The following ANKMY2 variants were observed in gnomAD, a reference collection of about 807,000 sequenced individuals.
ANKMY2 encodes the protein ankyrin repeat and MYND domain containing 2, also known as ankyrin repeat and MYND domain-containing protein 2.
ANKMY2 carries 36 observed loss-of-function variants against 50.4 expected under a neutral mutation model. The observed-to-expected ratio is 0.71, with a 90% CI of 0.55 to 0.94. ANKMY2 has a LOEUF of 0.94. ANKMY2 is among the 40% of genes least tolerant of loss of function. ANKMY2 has a pLI of 0.00. For missense variants in ANKMY2, 565 were observed against 524.0 expected (o/e 1.08, Z -0.76); for synonymous variants, 187 against 178.8 (o/e 1.05, Z -0.36).
At chr7:16,626,906 C>T (rs1781514187) in intron 3 of ANKMY2, 134 bp downstream of exon 3, 2 of 681,934 alleles carry the variant, frequency 2.9e-6, no homozygotes, top group South Asian at 1.0e-4. Context: ...TTTCAAAAAC[C>T]AATTGCCATC....
chr7:16,609,690 A>C lies in ANKMY2; in HGVS notation c.822T>G (p.Phe274Leu), dbSNP rs1781215284. 6.2e-7 allele frequency: 1 copy of C among 1,613,070 alleles called. No homozygotes were observed. Among genetic ancestry groups the C allele is most frequent in the Non-Finnish European group, 8.5e-7 (1 of 1,179,754 alleles). ...EKIIRESIRK[F>L]PYCEATLLQQ... ...GGAGGAGTGTAGCTTCACAGTAAGG[A>C]AATTTTCTGATACTTTCTCTAATGA... The change falls in exon 7 of 10, where the codon TTT becomes TTG. Residue 274 changes from phenylalanine (F) to leucine (L), a missense_variant. Transcript: ENST00000306999.
chr7:16,605,425 G>C (rs1211930668), intron 7 of ANKMY2, among the ~76,000 whole-genome samples: 1 of 152,048 alleles, frequency 6.6e-6, no homozygotes, highest in East Asian at 1.9e-4. Flanking sequence ...AAAGTATTAA[G>C]AAAAACCAAA....
At chr7:16,622,509 C>A (rs930018915) in intron 4 of ANKMY2, among the ~76,000 whole-genome samples, 2 of 151,936 alleles carry the variant, frequency 1.3e-5, no homozygotes, top group African/African-American at 2.4e-5. Flanking sequence ...GAGGCCGAGG[C>A]GGGCAGATCA....
chr7:16,644,432 G>T (rs1388500574), intron 1 of ANKMY2, among the ~76,000 whole-genome samples: 1 of 152,212 alleles, frequency 6.6e-6, no homozygotes. Flanking sequence ...CGCATGTGGA[G>T]TTTCCTTGTC....
chr7:16,627,203 A>G (rs775200729), intron 2 of ANKMY2, 25 bp from the exon 3 acceptor site: 23 of 1,524,986 alleles, frequency 1.5e-5, no homozygotes, highest in Admixed American at 9.6e-5. Flanking sequence ...GGAAAAAAGT[A>G]TTAATTTTAC....
At chr7:16,626,004 CAG>C (rs1781501641) in intron 3 of ANKMY2, among the ~76,000 whole-genome samples, 1 of 112,662 alleles carries the variant, frequency 8.9e-6, no homozygotes, top group Non-Finnish European at 1.7e-5. Flanking sequence ...TTTTTTGAGA[CAG>C]AGTCTCACTG....
At chr7:16,626,639 C>T (rs2128344772) in intron 3 of ANKMY2, among the ~76,000 whole-genome samples, 1 of 152,280 alleles carries the variant, frequency 6.6e-6, no homozygotes, top group African/African-American at 2.4e-5. Flanking sequence ...AAGGGATCAT[C>T]ATATTTAGTA....
In ANKMY2 at chr7:16,645,747, G is replaced by T; in HGVS notation, c.-174C>A. 1 of 630,804 alleles carries T rather than the reference G, an allele frequency of 1.6e-6. No homozygotes were observed. The highest frequency in any genetic ancestry group is 2.5e-6 in the Non-Finnish European group (1 of 405,074). 39.1% of individuals were successfully genotyped at this position (630,804 alleles called of 1,614,324 possible). ...CCTCCCGCGGGCTGGCGGACAGCGG[G>T]CGAGCTCGGGCGAGCCAGGCGGACG... is the stretch of plus-strand genomic sequence containing the variant. On this transcript the variant is annotated 5_prime_UTR_variant, in exon 1 of 10. Transcript: ENST00000306999.
At chr7:16,632,569 G>A (rs928947105) in intron 2 of ANKMY2, among the ~76,000 whole-genome samples, 13 of 152,308 alleles carry the variant, frequency 8.5e-5, no homozygotes, top group African/African-American at 3.1e-4. Flanking sequence ...GATGCATGTT[G>A]TAGCAAGTAT....
chr7:16,611,174 G>A (rs1781244699), intron 5 of ANKMY2, among the ~76,000 whole-genome samples: 1 of 152,142 alleles, frequency 6.6e-6, no homozygotes, highest in Non-Finnish European at 1.5e-5. Flanking sequence ...AGAATTTCAT[G>A]GCTAGGAGAA....
At chr7:16,644,696 C>A in intron 1 of ANKMY2, 1 of 471,140 alleles carries the variant, frequency 2.1e-6, no homozygotes, top group South Asian at 1.5e-5. Flanking sequence ...TGCCAGGTAA[C>A]GGGACTCGGC....
Position 16,609,602 on chromosome 7 carries a change from G to A in ANKMY2, c.882+28C>T, listed in dbSNP as rs751562977. 1.1e-5 allele frequency: 17 copies of A among 1,570,116 alleles called. No individual in the cohort carries two copies. In the East Asian group the frequency reaches 3.5e-4, roughly 32 times the overall value. Reference sequence around the variant, plus strand: ...AGGTGGGAATTAGGTTTTACTGATAGAGTCAACTTAGGTAAGAGGAGCCTT... The same window carrying A: ...AGGTGGGAATTAGGTTTTACTGATAAAGTCAACTTAGGTAAGAGGAGCCTT... On this transcript the variant is annotated intron_variant, in intron 7 of 9. Coordinates refer to ENST00000306999, the MANE Select transcript of ANKMY2 (RefSeq NM_020319.3).
At chr7:16,619,872 T>A (rs1026667200) in intron 4 of ANKMY2, among the ~76,000 whole-genome samples, 1 of 152,164 alleles carries the variant, frequency 6.6e-6, no homozygotes, top group Non-Finnish European at 1.5e-5. Flanking sequence ...ATTTTTTACT[T>A]TCAAGGATAA....
chr7:16,613,368 A>T (rs1781288029), intron 5 of ANKMY2, among the ~76,000 whole-genome samples: 1 of 152,170 alleles, frequency 6.6e-6, no homozygotes, highest in Non-Finnish European at 1.5e-5. Flanking sequence ...AGGAAATGCC[A>T]TGCTAGCTTA....
intron 7 of ANKMY2, 139 bp downstream of exon 7, chr7:16,609,491 G>T: frequency 1.0e-6 from 1 of 958,010 alleles, no homozygotes; most frequent in Non-Finnish European, 1.4e-6. Context: ...GGTTTGGCAG[G>T]CAAACCTATC....
At chr7:16,627,329 A>G (rs1781520541) in intron 2 of ANKMY2, 151 bp from the exon 3 acceptor site, 1 of 506,980 alleles carries the variant, frequency 2.0e-6, no homozygotes, top group Admixed American at 4.1e-5. Flanking sequence ...CCACACTTTG[A>G]TCTTCCATAA....
At chr7:16,605,524 T>C (rs1248373245) in intron 7 of ANKMY2, among the ~76,000 whole-genome samples, 1 of 151,988 alleles carries the variant, frequency 6.6e-6, no homozygotes, top group East Asian at 1.9e-4. Flanking sequence ...TTTTTTGAGA[T>C]GGAGTCTCTG....
At chr7:16,602,005 A>G (rs1298727685) in intron 9 of ANKMY2, among the ~76,000 whole-genome samples, 1 of 152,232 alleles carries the variant, frequency 6.6e-6, no homozygotes, top group Non-Finnish European at 1.5e-5. Context: ...TCCACCCTTA[A>G]AATCTTCTGG....
intron 4 of ANKMY2, among the ~76,000 whole-genome samples, chr7:16,622,746 AAATG>A (rs375952820): frequency 0.23 from 26,612 of 114,664 alleles, 2,632 homozygotes; most frequent in Middle Eastern, 0.31. Context: ...TCTCAAAAAT[AAATG>A]AATAAATAAA....
Sources: gnomAD v4.1 joint callset for allele counts (sites outside exome capture counted in the v4.1 genomes callset) on GRCh38, gnomAD v4.1.1 for gene constraint, MANE v1.5 for transcripts, NCBI Gene and HGNC (gene_info 2026-07-23, HGNC 2026-07-21) for gene names.